Variants in HNRNPF observed in about 807,000 individuals in gnomAD.
HNRNPF encodes the protein HnRNP F protein.
HNRNPF carries 2 observed loss-of-function variants against 26.0 expected under a neutral mutation model. That is an observed-to-expected ratio of 0.08 (90% CI 0.03 to 0.24). The LOEUF is 0.24. Ranked by LOEUF, HNRNPF falls within the 10% of genes least tolerant of loss-of-function variation. The pLI is 1.00. For missense variants in HNRNPF, 299 were observed against 539.2 expected, an observed-to-expected ratio of 0.55 and a Z score of 4.41; for synonymous variants, 234 against 211.5, an observed-to-expected ratio of 1.11 and a Z score of -0.92.
intron 1 of HNRNPF, among the ~76,000 whole-genome samples, chr10:43,398,250 T>C (rs1838631872): frequency 6.6e-6 from 1 of 152,142 alleles, no homozygotes; most frequent in Admixed American, 6.5e-5. Flanking sequence ...GGTCTCGATA[T>C]CTTGACCTCG....
chr10:43,393,288 A>C (rs1458157962), intron 3 of HNRNPF, among the ~76,000 whole-genome samples: 1 of 152,136 alleles, frequency 6.6e-6, no homozygotes, highest in Non-Finnish European at 1.5e-5. Context: ...GATTACCGAT[A>C]TATCTTTTAA....
Position 43,386,713 on chromosome 10 carries a change from C to T in HNRNPF, c.1172G>A (p.Gly391Asp), listed in dbSNP as rs1169787928. 6.2e-7 allele frequency: 1 copy of T among 1,613,888 alleles called. No homozygotes were observed. The highest frequency in any genetic ancestry group is 2.2e-5 in the East Asian group (1 of 44,880). ...GCCACTCACTGACTGGCTCTCCAGG[C>T]CACTGTAAGTGGCCTGGGCAGCAGA... Reference protein sequence around the residue: ...GVSAAQATYSGLESQSVSGCY... With the variant: ...GVSAAQATYSDLESQSVSGCY... Residue 391 changes from glycine (G) to aspartate (D), a missense_variant, in exon 4 of 4, where the codon GGC becomes GAC. Physicochemically the swap from Gly to Asp is moderately conservative, Grantham distance 94. Transcript: ENST00000682386.
chr10:43,386,818 T>C lies in HNRNPF; in HGVS notation c.1067A>G (p.Tyr356Cys). 6.2e-7 allele frequency: 1 copy of C among 1,614,218 alleles called. No homozygotes were observed. Among genetic ancestry groups the C allele is most frequent in the Admixed American group, 1.7e-5 (1 of 60,032 alleles). ...TGTTGAATTCAAGAAGAGTTCTATA[T>C]ATCTGTGCTGCATATTGGCCCTGTC... is the stretch of plus-strand genomic sequence containing the variant. ...SKDRANMQHR[Y>C]IELFLNSTTG... is the part of the protein sequence containing the mutation. Residue 356 changes from tyrosine (Y) to cysteine (C), a missense_variant, in exon 4 of 4, where the codon TAT (tyrosine) becomes TGT (cysteine). Physicochemically the swap from Tyr to Cys is radical, Grantham distance 194. Coordinates refer to ENST00000682386, the MANE Select transcript of HNRNPF (RefSeq NM_001098204.2).
At chr10:43,397,536 G>A (rs921923110) in intron 1 of HNRNPF, among the ~76,000 whole-genome samples, 3 of 152,222 alleles carry the variant, frequency 2.0e-5, no homozygotes, top group Non-Finnish European at 4.4e-5. Context: ...AGAGAAGCCA[G>A]CAAGTTAGAC....
Position 43,389,039 on chromosome 10 carries a change from C to T in HNRNPF, c.-52-1103G>A, listed in dbSNP as rs528922496. ...AGGCTGGAGTGCAGTGGTGCTGTCT[C>T]GGCTCACTGCAACCTCCGCCTCCTG... On this transcript the variant is annotated intron_variant, in intron 3 of 3. Coordinates refer to ENST00000682386, the MANE Select transcript of HNRNPF (RefSeq NM_001098204.2). Among the ~76,000 whole-genome samples the T allele has an allele frequency of 1.0e-3, 154 of 146,944 alleles. 2 individuals are homozygous for T. Among genetic ancestry groups the T allele is most frequent in the African/African-American group, 3.6e-3 (144 of 39,640 alleles).
chr10:43,387,117 G>A lies in HNRNPF; in HGVS notation c.768C>T (p.Thr256=), dbSNP rs140933536. The change falls in exon 4 of 4, where the codon ACC becomes ACT. Residue 256 remains threonine, a synonymous_variant. Transcript: ENST00000682386. The surrounding 1 kb of genome is among the most constrained non-coding windows in gnomAD (Gnocchi z 6.0). ...YSGLSDGYGF[T]TDLFGRDLSY... ...TGAGGTCTCTCCCGAACAGGTCGGT[G>A]GTGAAGCCGTAGCCATCACTGAGGC... The A allele has an allele frequency of 5.0e-5, 80 of 1,613,858 alleles. No homozygotes were observed. The African/African-American group carries it at 1.0e-3, about 20-fold the overall frequency.
intron 2 of HNRNPF, 63 bp from the exon 3 acceptor site, chr10:43,394,751 T>G (rs1359086154): frequency 6.6e-6 from 1 of 151,806 alleles, no homozygotes; most frequent in African/African-American, 2.4e-5. Flanking sequence ...GGCTCTGGGA[T>G]CAGAACTCCA....
At chr10:43,408,309 C>T (rs1463467217) in intron 1 of HNRNPF, among the ~76,000 whole-genome samples, 2 of 152,150 alleles carry the variant, frequency 1.3e-5, no homozygotes, top group Admixed American at 6.5e-5. Flanking sequence ...AATCTCAGCC[C>T]GCGGTGCTCA....
intron 1 of HNRNPF, among the ~76,000 whole-genome samples, chr10:43,403,101 T>C (rs973572660): frequency 6.6e-6 from 1 of 152,196 alleles, no homozygotes; most frequent in Non-Finnish European, 1.5e-5. Context: ...CACTCTCGGT[T>C]CACTGCAACC....
rs1231247938 is a variant in HNRNPF, at chr10:43,385,718, C to G, written c.*919G>C. On this transcript the variant is annotated 3_prime_UTR_variant, in exon 4 of 4. Transcript: ENST00000682386. The stretch of plus-strand genomic sequence containing the variant: ...TCTCCAGCTATCAACAGATGTGACT[C>G]CAGCATCAAGGGCCTAGCAGGAAAA... The G allele has an allele frequency of 2.6e-5, 4 of 152,208 alleles. No homozygotes were observed. The highest frequency in any genetic ancestry group is 5.9e-5 in the Non-Finnish European group (4 of 68,036). 9.4% of individuals were successfully genotyped at this position (152,208 alleles called of 1,614,324 possible).
intron 1 of HNRNPF, among the ~76,000 whole-genome samples, chr10:43,403,521 C>G (rs1481319143): frequency 6.6e-6 from 1 of 152,156 alleles, no homozygotes; most frequent in Non-Finnish European, 1.5e-5. Context: ...AACCAAGTAT[C>G]AGTCAACCTA....
intron 3 of HNRNPF, 128 bp downstream of exon 3, chr10:43,394,501 GC>G (rs1298644049): frequency 6.6e-6 from 1 of 152,194 alleles, no homozygotes; most frequent in Non-Finnish European, 1.5e-5. Context: ...GCTGAAAAGA[GC>G]CCTGTGGTGT....
chr10:43,408,529 TCC>T (rs2131997927), intron 1 of HNRNPF, among the ~76,000 whole-genome samples: 1 of 152,166 alleles, frequency 6.6e-6, no homozygotes, highest in South Asian at 2.1e-4. Flanking sequence ...TCTTCCCTGA[TCC>T]CAAATCCCAG....
In HNRNPF at chr10:43,408,637, C is replaced by T. The variant is rs936250772; in HGVS notation, c.-247+494G>A. 3 of 152,132 alleles carry T rather than the reference C, an allele frequency of 2.0e-5. No individual in the cohort carries two copies. In the South Asian group the frequency reaches 6.2e-4, roughly 32 times the overall value. The allele number at this position is 152,132 out of a possible 1,614,324, so 9.4% of individuals were successfully genotyped here. On this transcript the variant is annotated intron_variant, in intron 1 of 3. Transcript: ENST00000682386. ...GGATAGTCTCCCTAATCTCAAATCC[C>T]ACCCCCCGTCCCCACCCCCAGGGGG...
intron 2 of HNRNPF, among the ~76,000 whole-genome samples, chr10:43,395,205 T>C (rs1838432072): frequency 6.6e-6 from 1 of 152,190 alleles, no homozygotes; most frequent in Non-Finnish European, 1.5e-5. Context: ...TTAAGACCCC[T>C]CTTTCACTGG....
At position 43,386,682 on chromosome 10, in the gene HNRNPF, G is replaced by GT. The variant is rs1564392313; in HGVS notation, c.1202dup (p.Tyr401Ter). The stretch of plus-strand genomic sequence containing the variant: ...TGTTCTGCCCACTGTAGCCGGCCCC[G>GT]TAACAGCCACTCACTGACTGGCTCT... The part of the protein sequence containing the change: ...GLESQSVSGC[Y>*]GAGYSGQNSM... The change falls in exon 4 of 4, where the codon TAC (tyrosine) becomes TAAC (stop). Residue 401 changes from tyrosine (Y) to a stop codon, truncating the protein, a stop_gained and frameshift_variant. Coordinates refer to ENST00000682386, the MANE Select transcript of HNRNPF (RefSeq NM_001098204.2). LOFTEE classifies it high-confidence loss of function. The GT allele has an allele frequency of 6.3e-7, 1 of 1,593,406 alleles. No homozygotes were observed. Among genetic ancestry groups the GT allele is most frequent in the Non-Finnish European group, 8.5e-7 (1 of 1,174,626 alleles).
intron 1 of HNRNPF, among the ~76,000 whole-genome samples, chr10:43,406,036 C>T (rs373103390): frequency 3.9e-5 from 6 of 152,180 alleles, no homozygotes; most frequent in East Asian, 1.9e-4. Context: ...ATTTTCTCAT[C>T]TGAAACATGG....
At chr10:43,402,991 G>C (rs189140897) in intron 1 of HNRNPF, among the ~76,000 whole-genome samples, 2 of 151,734 alleles carry the variant, frequency 1.3e-5, no homozygotes, top group Admixed American at 1.3e-4. Flanking sequence ...ACAAGTGTTC[G>C]CTATCATACC....
At chr10:43,398,638 C>G (rs1383189605) in intron 1 of HNRNPF, among the ~76,000 whole-genome samples, 1 of 152,012 alleles carries the variant, frequency 6.6e-6, no homozygotes, top group South Asian at 2.1e-4. Flanking sequence ...CCGCGCCCGG[C>G]CTGTTTTACG....
Sources: gnomAD v4.1 joint callset for allele counts (sites outside exome capture counted in the v4.1 genomes callset) on GRCh38, gnomAD v4.1.1 for gene constraint, Gnocchi (gnomAD v3.1) non-coding constraint, MANE v1.5 for transcripts, NCBI Gene and HGNC (gene_info 2026-07-23, HGNC 2026-07-21) for gene names.